Variants in TOP1MT observed in about 807,000 individuals in gnomAD.
TOP1MT encodes DNA topoisomerase I mitochondrial, also known as DNA topoisomerase I, mitochondrial.
A neutral mutation model predicts 73.9 loss-of-function variants in TOP1MT; 80 were observed. The observed-to-expected ratio is 1.08, with a 90% CI of 0.90 to 1.30. The LOEUF (loss-of-function observed/expected upper bound fraction) is 1.30. TOP1MT is among the 50% of genes most tolerant of loss of function. TOP1MT has a pLI of 0.00. For synonymous variants in TOP1MT, 338 were observed against 326.4 expected (o/e 1.04, Z -0.38); for missense variants, 815 against 808.0 (o/e 1.01, Z -0.10).
upstream of TOP1MT, among the ~76,000 whole-genome samples, chr8:143,357,018 C>T (rs1024260882): frequency 2.0e-5 from 3 of 147,306 alleles, no homozygotes; most frequent in African/African-American, 7.7e-5. Flanking sequence ...GGTATGAACC[C>T]GAGAGGCAGA....
upstream of TOP1MT, among the ~76,000 whole-genome samples, chr8:143,335,461 C>T (rs111629209): frequency 1.9e-3 from 297 of 152,344 alleles, 1 homozygote; most frequent in African/African-American, 6.9e-3. Flanking sequence ...ACCAGCCTCT[C>T]ACTCCCAAGG....
chr8:143,341,006 C>T lies in TOP1MT; in HGVS notation c.29+2214G>A, dbSNP rs1317056973. Reference sequence around the variant, plus strand: ...CACCTGCTCCTGGCCACGCTTCGCACCTCTTCTGTGGGAACTGCTCTGTCT... The same window carrying T: ...CACCTGCTCCTGGCCACGCTTCGCATCTCTTCTGTGGGAACTGCTCTGTCT... On this transcript the variant is annotated intron_variant, in intron 2 of 5. Coordinates refer to the TOP1MT transcript ENST00000518007. This position sits in a 1 kb window ranked among gnomAD's most constrained non-coding sequence, Gnocchi z 4.1. Among the ~76,000 whole-genome samples, 1 of 152,180 alleles carries T rather than the reference C, an allele frequency of 6.6e-6. No individual in the cohort carries two copies. Among genetic ancestry groups the T allele is most frequent in the African/African-American group, 2.4e-5 (1 of 41,444 alleles).
At position 143,341,189 on chromosome 8, in the gene TOP1MT, GCCCTTTCTC is replaced by G. The variant is rs1286914442; in HGVS notation, c.29+2022_29+2030del. Among the ~76,000 whole-genome samples, 4 of 152,056 alleles carry G rather than the reference GCCCTTTCTC, an allele frequency of 2.6e-5. No individual in the cohort carries two copies. The highest frequency in any genetic ancestry group is 9.7e-5 in the African/African-American group (4 of 41,400). ...CATCTCCCCACACGTTTGTCCTGAA[GCCCTTTCTC>G]CCCTTTCTCTTCGGATATTCTTTTT... On this transcript the variant is annotated intron_variant, in intron 2 of 5. Transcript: ENST00000518007. This position sits in a 1 kb window ranked among gnomAD's most constrained non-coding sequence, Gnocchi z 4.1.
chr8:143,359,515 A>G (rs929605798), upstream of TOP1MT: 12 of 815,150 alleles, frequency 1.5e-5, no homozygotes, highest in African/African-American at 2.3e-4. Context: ...GCAGAAAGTC[A>G]GGAGCCAAGG....
intron 7 of TOP1MT, 124 bp downstream of exon 7, chr8:143,323,875 C>A (rs563138753): frequency 2.7e-5 from 29 of 1,067,918 alleles, no homozygotes; most frequent in African/African-American, 9.5e-5. Flanking sequence ...GCACACACCC[C>A]CCCCATCAGA....
chr8:143,343,259 C>A (rs1010700808), exon 2 of TOP1MT: 4 of 456,144 alleles, frequency 8.8e-6, no homozygotes, highest in African/African-American at 8.0e-5. Context: ...GGTGATTAGT[C>A]TTCACTGGCG....
At chr8:143,331,361 G>GTCA in intron 1 of TOP1MT, 22 bp from the exon 2 acceptor site, 1 of 1,597,434 alleles carries the variant, frequency 6.3e-7, no homozygotes, top group East Asian at 2.2e-5. Context: ...GACAGGACGT[G>GTCA]TCACTCTCCT....
intron 1 of TOP1MT, among the ~76,000 whole-genome samples, chr8:143,352,911 T>C (rs577329350): frequency 3.3e-5 from 5 of 152,250 alleles, no homozygotes; most frequent in Admixed American, 3.3e-4. Context: ...AGGCAGATAA[T>C]GGTTTTTAAA....
chr8:143,342,399 ATTAT>A (rs952224425), intron 2 of TOP1MT, among the ~76,000 whole-genome samples: 1 of 126,932 alleles, frequency 7.9e-6, no homozygotes, highest in Non-Finnish European at 1.6e-5. Context: ...CGCTGTTATT[ATTAT>A]TATTATTAGA....
chr8:143,325,315 G>GT, intron 5 of TOP1MT, 31 bp downstream of exon 5: 1 of 1,567,816 alleles, frequency 6.4e-7, no homozygotes, highest in South Asian at 1.1e-5. Context: ...CGGGGGTCCA[G>GT]TGCCCGCCTG....
chr8:143,314,806 T>C (rs1816108256), intron 12 of TOP1MT, among the ~76,000 whole-genome samples: 1 of 152,116 alleles, frequency 6.6e-6, no homozygotes, highest in Non-Finnish European at 1.5e-5. Flanking sequence ...TATATGAATA[T>C]CATTAATCAT....
rs752005241 is a variant in TOP1MT at position 143,324,037 on chromosome 8, T to G, written c.922A>C (p.Thr308Pro). The G allele has an allele frequency of 1.9e-6, 3 of 1,613,790 alleles. No individual in the cohort carries two copies. In the East Asian group the frequency reaches 6.7e-5, roughly 36 times the overall value. Residue 308 changes from threonine to proline, a missense_variant, in exon 7 of 14, where the codon ACG becomes CCG. Around this residue, in one of 3 missense-constraint regions of TOP1MT, gnomAD observed 751 missense variants for 725.4 expected, o/e 1.04. Transcript: ENST00000329245. ...TACAGGGCCACCGCCCGCTGTCTCG[T>G]CTTCATTTCCCGAGACTTCCAGTCA... The part of the protein sequence containing the change: ...RADWKSREMK[T>P]RQRAVALYFI...
In TOP1MT at chr8:143,309,975, A is replaced by T. The variant is rs999511919; in HGVS notation, c.1703+93T>A. On this transcript the variant is annotated intron_variant, in intron 13 of 13. Transcript: ENST00000329245. ...CTGTGCTGACCCCAGGGGACACGGG[A>T]CAAGGGCAATGCTGGGACTGAACAG... 4.4e-6 allele frequency: 7 copies of T among 1,597,332 alleles called. No individual in the cohort carries two copies. In the Admixed American group the frequency reaches 1.2e-4, roughly 27 times the overall value.
intron 13 of TOP1MT, 74 bp downstream of exon 13, chr8:143,309,994 T>C: frequency 6.3e-7 from 1 of 1,597,070 alleles, no homozygotes; most frequent in Non-Finnish European, 8.5e-7. Context: ...ATGCTGGGAC[T>C]GAACAGAGGC....
intron 2 of TOP1MT, among the ~76,000 whole-genome samples, chr8:143,330,290 G>A (rs1041753594): frequency 6.6e-6 from 1 of 152,114 alleles, no homozygotes; most frequent in Non-Finnish European, 1.5e-5. Flanking sequence ...AGCAGTCCTC[G>A]CCTGCCATGT....
At chr8:143,345,795 A>C (rs148996556), upstream of TOP1MT, among the ~76,000 whole-genome samples, 3 of 152,348 alleles carry the variant, frequency 2.0e-5, no homozygotes, top group East Asian at 5.8e-4. Context: ...CTTTTTCTAA[A>C]TTGAAGTCCC....
At position 143,341,498 on chromosome 8, in the gene TOP1MT, C is replaced by T. The variant is rs1264874862; in HGVS notation, c.29+1722G>A. Among the ~76,000 whole-genome samples, 1 of 152,262 alleles carries T rather than the reference C, an allele frequency of 6.6e-6. No homozygotes were observed. Among genetic ancestry groups the T allele is most frequent in the Non-Finnish European group, 1.5e-5 (1 of 68,032 alleles). ...GGCCACAGGGCCACAAACATACCCA[C>T]CCGGAGACCCCAGAGGAGGAGGGAA... On this transcript the variant is annotated intron_variant, in intron 2 of 5. Coordinates refer to the TOP1MT transcript ENST00000518007. The surrounding 1 kb of genome is among the most constrained non-coding windows in gnomAD (Gnocchi z 4.1).
intron 1 of TOP1MT, among the ~76,000 whole-genome samples, chr8:143,354,851 A>C (rs1260303800): frequency 6.6e-6 from 1 of 152,174 alleles, no homozygotes; most frequent in Non-Finnish European, 1.5e-5. Context: ...GTCAGACCAC[A>C]CTTAAGGACA....
intron 1 of TOP1MT, 52 bp from the exon 2 acceptor site, chr8:143,331,391 C>T: frequency 6.7e-7 from 1 of 1,495,108 alleles, no homozygotes. Context: ...CCTGCATGAG[C>T]CTCTTCCCCG....
Sources: gnomAD v4.1 joint callset for allele counts (sites outside exome capture counted in the v4.1 genomes callset) on GRCh38, gnomAD v4.1.1 for gene constraint, gnomAD v4.1.1 regional missense constraint, Gnocchi (gnomAD v3.1) non-coding constraint, MANE v1.5 for transcripts, NCBI Gene and HGNC (gene_info 2026-07-23, HGNC 2026-07-21) for gene names.